GPATCH2L: variants seen among roughly 807,000 people sequenced by gnomAD.
GPATCH2L encodes G-patch domain containing 2 like.
GPATCH2L carries 31 observed loss-of-function variants against 57.4 expected under a neutral mutation model. The observed-to-expected ratio is 0.54, with a 90% confidence interval of 0.41 to 0.73. The LOEUF (loss-of-function observed/expected upper bound fraction) is 0.73. Among genes scored for constraint, GPATCH2L ranks in the 30% least tolerant of loss-of-function variants. GPATCH2L has a pLI of 0.00. For missense variants in GPATCH2L, 481 were observed against 599.9 expected (o/e 0.80, Z 2.07); for synonymous variants, 199 against 210.7 (o/e 0.94, Z 0.48).
intron 2 of GPATCH2L, among the ~76,000 whole-genome samples, chr14:76,231,401 C>T (rs940736281): frequency 1.3e-5 from 2 of 152,126 alleles, no homozygotes; most frequent in Admixed American, 6.5e-5. Flanking sequence ...TTTCTTCTTC[C>T]CATCCTTTAT....
chr14:76,235,192 A>G (rs896760555), intron 2 of GPATCH2L, among the ~76,000 whole-genome samples: 3 of 152,032 alleles, frequency 2.0e-5, no homozygotes, highest in Admixed American at 6.6e-5. Context: ...AAAGAAAAAA[A>G]GAAAATGAAT....
chr14:76,225,496 T>C (rs1329473367), intron 1 of GPATCH2L, among the ~76,000 whole-genome samples: 2 of 151,850 alleles, frequency 1.3e-5, no homozygotes, highest in Admixed American at 6.6e-5. Context: ...TGTAAAAAAG[T>C]AAATATTATG....
At chr14:76,159,262 C>G (rs1464032989) in intron 2 of GPATCH2L, among the ~76,000 whole-genome samples, 1 of 152,208 alleles carries the variant, frequency 6.6e-6, no homozygotes, top group African/African-American at 2.4e-5. Flanking sequence ...TGGTAAGTAG[C>G]CTCAACTGCC....
chr14:76,152,458 C>T, intron 1 of GPATCH2L: 1 of 322,190 alleles, frequency 3.1e-6, no homozygotes, highest in South Asian at 2.4e-5. Flanking sequence ...GAGCAGTTGC[C>T]TCCTGCCTCT....
intron 1 of GPATCH2L, among the ~76,000 whole-genome samples, chr14:76,225,847 G>T (rs956974082): frequency 1.3e-5 from 2 of 152,116 alleles, no homozygotes; most frequent in Non-Finnish European, 2.9e-5. Context: ...ATGGCCAATA[G>T]ATACATCAAA....
intron 2 of GPATCH2L, among the ~76,000 whole-genome samples, chr14:76,157,913 G>A (rs2038386627): frequency 2.0e-5 from 3 of 152,066 alleles, no homozygotes; most frequent in African/African-American, 7.2e-5. Context: ...CTTGCATAGA[G>A]ATCAAACTAT....
chr14:76,220,655 A>T (rs1284707547), intron 1 of GPATCH2L, among the ~76,000 whole-genome samples: 3 of 152,172 alleles, frequency 2.0e-5, no homozygotes, highest in Non-Finnish European at 4.4e-5. Context: ...CCAAGCACCC[A>T]TTGAATTTTT....
At chr14:76,217,482 A>C (rs1426566425), downstream of GPATCH2L, among the ~76,000 whole-genome samples, 4 of 152,112 alleles carry the variant, frequency 2.6e-5, no homozygotes, top group Non-Finnish European at 2.9e-5. Context: ...GTAAATCCAC[A>C]TGGCAAAGGA....
intron 2 of GPATCH2L, among the ~76,000 whole-genome samples, chr14:76,232,065 C>T (rs1313397693): frequency 6.6e-6 from 1 of 152,286 alleles, no homozygotes; most frequent in African/African-American, 2.4e-5. Flanking sequence ...GTGTGCGCCA[C>T]CACGCCCAGC....
At chr14:76,157,782 T>C (rs2038380128) in intron 2 of GPATCH2L, among the ~76,000 whole-genome samples, 1 of 152,180 alleles carries the variant, frequency 6.6e-6, no homozygotes, top group Non-Finnish European at 1.5e-5. Flanking sequence ...AAACATGGAG[T>C]ATAGACTTCA....
intron 2 of GPATCH2L, among the ~76,000 whole-genome samples, chr14:76,163,426 C>A (rs1384034985): frequency 2.6e-5 from 4 of 152,228 alleles, no homozygotes; most frequent in Non-Finnish European, 5.9e-5. Context: ...ACTTGTAGAT[C>A]TTGGCTGAGA....
At chr14:76,171,773 C>T (rs986311584) in intron 3 of GPATCH2L, 70 bp from the exon 4 acceptor site, 3 of 850,846 alleles carry the variant, frequency 3.5e-6, no homozygotes, top group African/African-American at 3.5e-5. Flanking sequence ...ACTAAGAAAT[C>T]ATCCCTCCCA....
chr14:76,197,949 C>T (rs906995224), intron 9 of GPATCH2L, among the ~76,000 whole-genome samples: 2 of 152,062 alleles, frequency 1.3e-5, no homozygotes, highest in South Asian at 2.1e-4. Context: ...CCTTTTTCCC[C>T]TCCCCCAGTG....
Position 76,154,297 on chromosome 14 carries a change from C to G in GPATCH2L, c.-10-57C>G, listed in dbSNP as rs2038190393. The G allele has an allele frequency of 7.3e-7, 1 of 1,370,484 alleles. No individual in the cohort carries two copies. The highest frequency in any genetic ancestry group is 1.0e-6 in the Non-Finnish European group (1 of 1,002,012). 84.9% of individuals were successfully genotyped at this position (1,370,484 alleles called of 1,614,324 possible). On this transcript the variant is annotated intron_variant, in intron 1 of 9. Transcript: ENST00000261530. The surrounding 1 kb of genome is among the most constrained non-coding windows in gnomAD (Gnocchi z 4.4). ...CCAAAACAACAGATCCTTTTTCAGG[C>G]TTTCTTTTTCTTTTTCTTTTCTTTC...
In GPATCH2L at chr14:76,231,963, T is replaced by TCTCACTGCAGGCTCACTGCAGC. The variant is rs1555385015; in HGVS notation, c.*117+2020_*117+2021insGCTCACTGCAGCCTCACTGCAG. Among the ~76,000 whole-genome samples the TCTCACTGCAGGCTCACTGCAGC allele has an allele frequency of 6.2e-4, 36 of 57,636 alleles. 3 individuals carry two copies. The highest frequency in any genetic ancestry group is 4.3e-4 in the Admixed American group (2 of 4,692). The allele number at this position is 57,636 out of a possible 152,430, so 37.8% of individuals were successfully genotyped here. A position where few individuals can be genotyped will look rare whatever the true frequency, so the allele number is the denominator to read the frequency against. ...GATAGAGTGCAGTGGGGCAAACACA[T>TCTCACTGCAGGCTCACTGCAGC]CTCACTGCAGCCTCACTGCAGCCTC... On this transcript the variant is annotated intron_variant and NMD_transcript_variant, in intron 2 of 3. Coordinates refer to the GPATCH2L transcript ENST00000556372.
chr14:76,220,531 A>T (rs74067670), intron 1 of GPATCH2L, among the ~76,000 whole-genome samples: 3,633 of 152,320 alleles, frequency 0.024, 131 homozygotes, highest in African/African-American at 0.084. Context: ...GAAGTACCTG[A>T]TAGTACAAGT....
At chr14:76,219,876 T>C (rs188089518) in intron 1 of GPATCH2L, among the ~76,000 whole-genome samples, 1 of 152,298 alleles carries the variant, frequency 6.6e-6, no homozygotes, top group Non-Finnish European at 1.5e-5. Context: ...AAAATTATGT[T>C]TTGTTTGATT....
At chr14:76,228,492 T>C (rs1486001754) in intron 1 of GPATCH2L, among the ~76,000 whole-genome samples, 2 of 152,216 alleles carry the variant, frequency 1.3e-5, no homozygotes, top group Non-Finnish European at 2.9e-5. Context: ...GGTTGTCGGT[T>C]TTCCAAGGTC....
At chr14:76,158,484 G>T (rs1425026429) in intron 2 of GPATCH2L, among the ~76,000 whole-genome samples, 2 of 152,200 alleles carry the variant, frequency 1.3e-5, no homozygotes, top group Non-Finnish European at 2.9e-5. Context: ...TGCTCCAGGT[G>T]TTTGTGACAG....
Sources: gnomAD v4.1 joint callset for allele counts (sites outside exome capture counted in the v4.1 genomes callset) on GRCh38, gnomAD v4.1.1 for gene constraint, Gnocchi (gnomAD v3.1) non-coding constraint, MANE v1.5 for transcripts, NCBI Gene and HGNC (gene_info 2026-07-23, HGNC 2026-07-21) for gene names.